Variants in C7 observed in about 807,000 individuals in gnomAD.
C7 encodes complement component C7.
Under a neutral mutation model 104.8 loss-of-function variants are expected in C7, and 83 were observed. The observed-to-expected ratio is 0.79, with a 90% CI of 0.66 to 0.95. The LOEUF (loss-of-function observed/expected upper bound fraction) is 0.95, where lower values mean the gene tolerates loss of function less well. Among genes scored for constraint, C7 ranks in the 40% least tolerant of loss-of-function variants. The probability of loss-of-function intolerance (pLI) is 0.00; values close to 1 mark genes in which losing one functional copy is unlikely to be tolerated. For missense variants in C7, 1,070 were observed against 1,011.2 expected (o/e 1.06, Z -0.79); for synonymous variants, 415 against 360.6 (o/e 1.15, Z -1.71).
At chr5:40,934,241 T>C (rs1274065721) in intron 3 of C7, 84 bp from the exon 4 acceptor site, 4 of 1,295,450 alleles carry the variant, frequency 3.1e-6, no homozygotes, top group Non-Finnish European at 4.0e-6. Flanking sequence ...TTTTCTCAGA[T>C]TTTATTACTC....
At chr5:40,929,546 A>C (rs1739631809) in intron 2 of C7, among the ~76,000 whole-genome samples, 1 of 152,206 alleles carries the variant, frequency 6.6e-6, no homozygotes, top group Admixed American at 6.5e-5. Context: ...TGACCCTCTT[A>C]AGACATGCAA....
At chr5:40,950,595 C>T (rs76081880) in intron 9 of C7, among the ~76,000 whole-genome samples, 1 of 152,166 alleles carries the variant, frequency 6.6e-6, no homozygotes, top group Admixed American at 6.5e-5. Flanking sequence ...TTTAAAAAAT[C>T]TATTTGGTAA....
At chr5:40,925,145 A>T (rs78938228) in intron 1 of C7, among the ~76,000 whole-genome samples, 1 of 152,262 alleles carries the variant, frequency 6.6e-6, no homozygotes, top group Non-Finnish European at 1.5e-5. Flanking sequence ...TCATGTATAA[A>T]TTCCAACTTT....
Position 40,979,883 on chromosome 5 carries a change from C to T in C7, c.2324C>T (p.Ala775Val), listed in dbSNP as rs561262611. ...GCCTCAGCTGAGAAAGCTTGTGGTG[C>T]CTGCCCACTGTGGGGAAAATGTGAT... ...LPASAEKACGACPLWGKCDAE... is the reference protein window; with the variant it reads ...LPASAEKACGVCPLWGKCDAE... The change falls in exon 17 of 18, where the codon GCC becomes GTC. Residue 775 changes from alanine to valine, a missense_variant. Ala to Val is a moderately conservative substitution (Grantham distance 64). Transcript: ENST00000313164. 2.5e-6 allele frequency: 4 copies of T among 1,594,304 alleles called. No individual in the cohort carries two copies. Among genetic ancestry groups the T allele is most frequent in the Admixed American group, 1.7e-5 (1 of 57,902 alleles).
At position 40,925,088 on chromosome 5, in the gene C7, C is replaced by T. The variant is rs118163177; in HGVS notation, c.7-3492C>T. Among the ~76,000 whole-genome samples the T allele has an allele frequency of 1.3e-4, 20 of 152,308 alleles. No individual in the cohort carries two copies. In the East Asian group the frequency reaches 2.1e-3, roughly 16 times the overall value. ...GATGATCCTTTTTCTTTCTCTGCTG[C>T]GTGGCCAGGCTGCAGATTTTTCAAA... On this transcript the variant is annotated intron_variant, in intron 1 of 17. Transcript: ENST00000313164.
chr5:40,936,422 C>T lies in C7; in HGVS notation c.365C>T (p.Ser122Leu). Residue 122 changes from serine to leucine, a missense_variant, in exon 5 of 18, where the codon TCA (serine) becomes TTA (leucine). Coordinates refer to ENST00000313164, the MANE Select transcript of C7 (RefSeq NM_000587.4). ...DSADEDRCED[S>L]ERRPSCDIDK... ...GCTGATGAAGACAGATGTGAGGACT[C>T]AGAAAGGAGACCTTCCTGTGATATC... is the stretch of plus-strand genomic sequence containing the variant. 5.0e-6 allele frequency: 8 copies of T among 1,613,246 alleles called. No homozygotes were observed. Among genetic ancestry groups the T allele is most frequent in the Non-Finnish European group, 6.8e-6 (8 of 1,179,414 alleles).
In C7 at chr5:40,936,381, C is replaced by G; in HGVS notation, c.324C>G (p.Asp108Glu). The G allele has an allele frequency of 6.2e-7, 1 of 1,613,378 alleles. No homozygotes were observed. Among genetic ancestry groups the G allele is most frequent in the Non-Finnish European group, 8.5e-7 (1 of 1,179,514 alleles). Reference protein sequence around the residue: ...SKSLVCNGDSDCDEDSADEDR... With the variant: ...SKSLVCNGDSECDEDSADEDR... Reference sequence around the variant, plus strand: ...CATTGGTTTGCAATGGGGATTCTGACTGTGATGAAGACAGTGCTGATGAAG... The same window carrying G: ...CATTGGTTTGCAATGGGGATTCTGAGTGTGATGAAGACAGTGCTGATGAAG... Residue 108 changes from aspartate to glutamate, a missense_variant, in exon 5 of 18, where the codon GAC (aspartate) becomes GAG (glutamate). Asp to Glu is a conservative substitution (Grantham distance 45). Coordinates refer to ENST00000313164, the MANE Select transcript of C7 (RefSeq NM_000587.4).
chr5:40,973,006 C>T (rs1740732837), intron 15 of C7, among the ~76,000 whole-genome samples: 1 of 151,936 alleles, frequency 6.6e-6, no homozygotes, highest in Non-Finnish European at 1.5e-5. Context: ...CATTTTTGGG[C>T]TTTCAAAGAG....
At chr5:40,946,716 C>T (rs1433850437) in intron 7 of C7, among the ~76,000 whole-genome samples, 4 of 152,040 alleles carry the variant, frequency 2.6e-5, no homozygotes, top group Non-Finnish European at 4.4e-5. Context: ...GATTAATTCT[C>T]TTTTTCTAGT....
rs897931541 is a variant in C7 at position 40,965,483 on chromosome 5, T to A, written c.1882+610T>A. On this transcript the variant is annotated intron_variant, in intron 14 of 17. Transcript: ENST00000313164. ...AGTAATTGGGTATTCATACATTGGG[T>A]ATACATACATTTAGATTTAGTGGAG... 5.3e-5 allele frequency among the ~76,000 whole-genome samples: 8 copies of A among 152,132 alleles called. No homozygotes were observed. In the East Asian group the frequency reaches 1.5e-3, roughly 29 times the overall value.
chr5:40,951,548 A>T (rs1175000133), intron 9 of C7, among the ~76,000 whole-genome samples: 1 of 152,138 alleles, frequency 6.6e-6, no homozygotes, highest in East Asian at 1.9e-4. Flanking sequence ...GATCAATCAC[A>T]CTCCAAAGCT....
chr5:40,948,239 C>A (rs1740092956), intron 8 of C7, among the ~76,000 whole-genome samples: 1 of 100,064 alleles, frequency 1.0e-5, no homozygotes, highest in African/African-American at 4.2e-5. Flanking sequence ...TGTTTTTTAC[C>A]CTCTCATTCT....
At chr5:40,921,476 A>T (rs941724601) in intron 1 of C7, among the ~76,000 whole-genome samples, 8 of 152,106 alleles carry the variant, frequency 5.3e-5, no homozygotes, top group African/African-American at 1.7e-4. Context: ...ATGAAACAGC[A>T]AAAGACTCCA....
intron 13 of C7, chr5:40,964,468 A>T (rs1740500684): frequency 4.7e-6 from 1 of 212,312 alleles, no homozygotes; most frequent in Non-Finnish European, 9.4e-6. Flanking sequence ...TTTTAATAGA[A>T]TGTAATTTTA....
intron 5 of C7, chr5:40,937,181 TTA>T (rs2111599263): frequency 6.4e-6 from 1 of 156,488 alleles, no homozygotes; most frequent in African/African-American, 2.4e-5. Flanking sequence ...TTAAAATTTA[TTA>T]TAGAGAGCTC....
At chr5:40,955,586 C>T (rs1303168631) in intron 10 of C7, 33 bp downstream of exon 10, 1 of 1,585,144 alleles carries the variant, frequency 6.3e-7, no homozygotes, top group South Asian at 1.1e-5. Context: ...CAATAGGAAG[C>T]AGTCATGTTT....
intron 14 of C7, among the ~76,000 whole-genome samples, chr5:40,968,590 ATATATATATATTTTTTTTTTTT>A (rs1386212037): frequency 1.8e-3 from 78 of 43,768 alleles, no homozygotes; most frequent in Non-Finnish European, 2.3e-3. Context: ...ATATATATAT[ATATATATATATTTTTTTTTTTT>A]TTTTTTTTTT....
At chr5:40,921,800 G>T (rs1015653786) in intron 1 of C7, among the ~76,000 whole-genome samples, 2 of 152,062 alleles carry the variant, frequency 1.3e-5, no homozygotes, top group African/African-American at 4.8e-5. Context: ...ACTTTGGAAG[G>T]CCGAGGTGGG....
intron 2 of C7, 92 bp from the exon 3 acceptor site, chr5:40,930,972 A>G: frequency 1.2e-6 from 1 of 865,626 alleles, no homozygotes; most frequent in Non-Finnish European, 1.9e-6. Context: ...TTGAGGCAAC[A>G]TTTAACTATT....
Sources: gnomAD v4.1 joint callset for allele counts (sites outside exome capture counted in the v4.1 genomes callset) on GRCh38, gnomAD v4.1.1 for gene constraint, MANE v1.5 for transcripts, NCBI Gene and HGNC (gene_info 2026-07-23, HGNC 2026-07-21) for gene names.